The following ABCA2 variants were observed in gnomAD, a reference collection of about 807,000 sequenced individuals.
ABCA2 encodes the protein ATP-binding cassette sub-family A member 2.
Under a neutral mutation model 262.8 loss-of-function variants are expected in ABCA2, and 84 were observed. The observed-to-expected ratio is 0.32, with a 90% CI of 0.27 to 0.38. ABCA2 has a LOEUF of 0.38. Among genes scored for constraint, ABCA2 ranks in the 10% least tolerant of loss-of-function variants. ABCA2 has a pLI of 1.00. For missense variants in ABCA2, 2,662 were observed against 3,405.9 expected (o/e 0.78, Z 5.44); for synonymous variants, 1,696 against 1,502.9 (o/e 1.13, Z -2.97).
Position 137,016,368 on chromosome 9 carries a change from G to T in ABCA2, c.3027C>A (p.Asn1009Lys), listed in dbSNP as rs767955092. The T allele has an allele frequency of 1.2e-6, 2 of 1,612,950 alleles. No homozygotes were observed. Among genetic ancestry groups the T allele is most frequent in the Non-Finnish European group, 1.7e-6 (2 of 1,179,992 alleles). The change falls in exon 21 of 49, where the codon AAC becomes AAA. Residue 1009 changes from asparagine (N) to lysine (K), a missense_variant. This residue lies in a region of ABCA2 where 133 missense variants were observed against 150.8 expected (regional missense o/e 0.88). Transcript: ENST00000341511. Reference sequence around the variant, plus strand: ...TCTCGTAGAGGTTCAGGCTCAGCTTGTTCAGGGCCAGCTTCTTGTCGTCCT... The same window carrying T: ...TCTCGTAGAGGTTCAGGCTCAGCTTTTTCAGGGCCAGCTTCTTGTCGTCCT... Reference protein sequence around the residue: ...VYKDDKKLALNKLSLNLYENQ... With the variant: ...VYKDDKKLALKKLSLNLYENQ...
intron 26 of ABCA2, 110 bp from the exon 27 acceptor site, chr9:137,014,514 G>T: frequency 6.9e-7 from 1 of 1,442,062 alleles, no homozygotes; most frequent in Non-Finnish European, 9.3e-7. Flanking sequence ...ACACCTGTCC[G>T]GGACCTCTGG....
rs1830922609 is a variant in ABCA2, at chr9:137,008,758, G to A, written c.7041C>T (p.Tyr2347=). ...QVSGVLGIED[Y]SVSQTTLDNV... The stretch of plus-strand genomic sequence containing the variant: ...TGTCCAGTGTGGTCTGGCTGACCGA[G>A]TAGTCCTCGATGCCCAGCACGCCAG... Residue 2347 remains tyrosine, a synonymous_variant, in exon 47 of 49, where the codon TAC becomes TAT. Coordinates refer to ENST00000341511, the MANE Select transcript of ABCA2 (RefSeq NM_001606.5). 2 of 1,589,646 alleles carry A rather than the reference G, an allele frequency of 1.3e-6. No individual in the cohort carries two copies. The highest frequency in any genetic ancestry group is 1.7e-6 in the Non-Finnish European group (2 of 1,169,558).
In ABCA2 at chr9:137,012,954, G is replaced by A. The variant is rs1216460282; in HGVS notation, c.4868-29C>T. 12 of 1,484,472 alleles carry A rather than the reference G, an allele frequency of 8.1e-6. No individual in the cohort carries two copies. The East Asian group carries it at 2.5e-4, about 31-fold the overall frequency. 92.0% of individuals were successfully genotyped at this position (1,484,472 alleles called of 1,614,324 possible). A position where few individuals can be genotyped will look rare whatever the true frequency, so the allele number is the denominator to read the frequency against. On this transcript the variant is annotated intron_variant, in intron 30 of 48. Transcript: ENST00000341511. ...TGGGCACAGCATGGTGCGGTGAGAA[G>A]GACCCCTCACTGCCCCTGCCCCCCC...
chr9:137,017,160 C>T (rs556672479), intron 18 of ABCA2, 36 bp from the exon 19 acceptor site: 25 of 1,611,634 alleles, frequency 1.6e-5, no homozygotes, highest in African/African-American at 2.7e-5. Flanking sequence ...TGGGGTGGCC[C>T]GGCACCCCAG....
In ABCA2 at chr9:137,019,501, C is replaced by T; in HGVS notation, c.1426-195G>A. On this transcript the variant is annotated intron_variant, in intron 10 of 48. Transcript: ENST00000341511. The surrounding 1 kb of genome is among the most constrained non-coding windows in gnomAD (Gnocchi z 4.4). ...GCAGTGGTGCAGTCCCAGCTCACTG[C>T]AGCCTCCACCTCCCAGGCTCAAGGG... 1 of 587,658 alleles carries T rather than the reference C, an allele frequency of 1.7e-6. No homozygotes were observed. Among genetic ancestry groups the T allele is most frequent in the East Asian group, 3.2e-5 (1 of 30,980 alleles). The allele number at this position is 587,658 out of a possible 1,614,324, so 36.4% of individuals were successfully genotyped here. A position where few individuals can be genotyped will look rare whatever the true frequency, so the allele number is the denominator to read the frequency against.
At position 137,012,494 on chromosome 9, in the gene ABCA2, C is replaced by T; in HGVS notation, c.5178G>A (p.Arg1726=). The part of the protein sequence containing the change: ...PPMVRKIAVR[R]AAQVFYNNKG... ...CCGCAGCCTCGCTCACCTGGGCAGCCCTGCGCACCGCGATCTTCCGCACCA... is the reference window on the plus strand; with the variant it reads ...CCGCAGCCTCGCTCACCTGGGCAGCTCTGCGCACCGCGATCTTCCGCACCA... Residue 1726 remains arginine, a synonymous_variant, in exon 32 of 49, where the codon AGG becomes AGA. Transcript: ENST00000341511. The T allele has an allele frequency of 6.2e-7, 1 of 1,611,596 alleles. No individual in the cohort carries two copies. The highest frequency in any genetic ancestry group is 8.5e-7 in the Non-Finnish European group (1 of 1,179,838).
In ABCA2 at chr9:137,007,590, G is replaced by C. The variant is rs1588503039; in HGVS notation, c.*339C>G. On this transcript the variant is annotated 3_prime_UTR_variant, in exon 49 of 49. Transcript: ENST00000341511. ...AAGCTGGTTCCGAGGCCGGGCAGGAGAAAGGCCAGCAGTGCCTGGTCCAGC... is the reference window on the plus strand; with the variant it reads ...AAGCTGGTTCCGAGGCCGGGCAGGACAAAGGCCAGCAGTGCCTGGTCCAGC... 2 of 424,704 alleles carry C rather than the reference G, an allele frequency of 4.7e-6. No individual in the cohort carries two copies. The highest frequency in any genetic ancestry group is 9.8e-5 in the East Asian group (2 of 20,412). The allele number at this position is 424,704 out of a possible 1,614,324, so 26.3% of individuals were successfully genotyped here.
chr9:137,028,519 C>T (rs1831743580), upstream of ABCA2, among the ~76,000 whole-genome samples: 1 of 151,744 alleles, frequency 6.6e-6, no homozygotes, highest in South Asian at 2.1e-4. The surrounding 1 kb of genome is among the most constrained non-coding windows in gnomAD (Gnocchi z 6.9). Context: ...CTTCGTAGGC[C>T]GGGGGACCCT....
At position 137,016,937 on chromosome 9, in the gene ABCA2, A is replaced by G. The variant is rs1219760824; in HGVS notation, c.2741T>C (p.Ile914Thr). The G allele has an allele frequency of 1.2e-6, 2 of 1,612,612 alleles. No homozygotes were observed. Among genetic ancestry groups the G allele is most frequent in the Non-Finnish European group, 1.7e-6 (2 of 1,179,944 alleles). Residue 914 changes from isoleucine to threonine, a missense_variant, in exon 19 of 49, where the codon ATT (isoleucine) becomes ACT (threonine). Physicochemically the swap from Ile to Thr is moderately conservative, Grantham distance 89. Around this residue, in one of 12 missense-constraint regions of ABCA2, gnomAD observed 133 missense variants for 150.8 expected, o/e 0.88. Coordinates refer to ENST00000341511, the MANE Select transcript of ABCA2 (RefSeq NM_001606.5). ...GCCAGTACCTGGGTGCACAGCCTCA[A>G]TGTACCACGTGAGGATGCCATAGAC... ...AVVYGILTWY[I>T]EAVHPGMYGL...
At chr9:137,024,274 T>A in intron 1 of ABCA2, 38 bp from the exon 2 acceptor site, 1 of 1,535,504 alleles carries the variant, frequency 6.5e-7, no homozygotes, top group South Asian at 1.2e-5. Context: ...AGGACAGACC[T>A]GTGCTCGCCT....
At chr9:137,023,687 A>AC (rs1588529340) in intron 3 of ABCA2, 151 bp downstream of exon 3, 4 of 688,978 alleles carry the variant, frequency 5.8e-6, no homozygotes, top group African/African-American at 5.3e-5. Context: ...ACTGCCTGCC[A>AC]CCCCCCATCT....
At chr9:137,012,973 C>T (rs1255105795) in intron 30 of ABCA2, 29 bp downstream of exon 30, 3 of 1,479,200 alleles carry the variant, frequency 2.0e-6, no homozygotes, top group Admixed American at 2.2e-5. Context: ...ACTGCCCCTG[C>T]CCCCCCAGCA....
chr9:137,012,780 C>A lies in ABCA2; in HGVS notation c.5013G>T (p.Leu1671=), dbSNP rs1237962111. ...PQMRVVTGDI[L]TDITGHNVSE... is the part of the protein sequence containing the mutation. ...AGACATTGTGGCCGGTGATGTCGGT[C>A]AGGATGTCGCCTGTGACCACCCGCA... is the stretch of plus-strand genomic sequence containing the variant. Residue 1671 remains leucine (L), a synonymous_variant, in exon 31 of 49, where the codon CTG becomes CTT. Transcript: ENST00000341511. 1 of 1,612,672 alleles carries A rather than the reference C, an allele frequency of 6.2e-7. No individual in the cohort carries two copies. The highest frequency in any genetic ancestry group is 1.7e-5 in the Admixed American group (1 of 60,026).
Position 137,007,670 on chromosome 9 carries a change from C to A in ABCA2, c.*259G>T, listed in dbSNP as rs1270548862. ...AGGCAGGGGCGAGGGGCCGGGCAGACCCCGAGGCTTTAAGGCAAAGCAGGG... is the reference window on the plus strand; with the variant it reads ...AGGCAGGGGCGAGGGGCCGGGCAGAACCCGAGGCTTTAAGGCAAAGCAGGG... On this transcript the variant is annotated 3_prime_UTR_variant, in exon 49 of 49. Coordinates refer to ENST00000341511, the MANE Select transcript of ABCA2 (RefSeq NM_001606.5). 4.9e-5 allele frequency: 28 copies of A among 571,418 alleles called. No homozygotes were observed. In the East Asian group the frequency reaches 8.0e-4, roughly 16 times the overall value. 35.4% of individuals were successfully genotyped at this position (571,418 alleles called of 1,614,324 possible).
rs754394147 is a variant in ABCA2, at chr9:137,008,832, A to G, written c.6967T>C (p.Ser2323Pro). ...HHTKVQYQLK[S>P]EHISLAQVFS... The stretch of plus-strand genomic sequence containing the variant: ...ACCTGGGCCAGCGAGATGTGCTCCG[A>G]CTTGAGCTGGTACTGCACCTTTGTG... Residue 2323 changes from serine to proline, a missense_variant, in exon 47 of 49, where the codon TCG becomes CCG. Around this residue, in one of 12 missense-constraint regions of ABCA2, gnomAD observed 212 missense variants for 214.4 expected, o/e 0.99. Transcript: ENST00000341511. The G allele has an allele frequency of 1.9e-6, 3 of 1,605,368 alleles. No homozygotes were observed. The highest frequency in any genetic ancestry group is 2.5e-6 in the Non-Finnish European group (3 of 1,179,600).
Position 137,021,724 on chromosome 9 carries a change from C to T in ABCA2, c.679-114G>A. On this transcript the variant is annotated intron_variant, in intron 7 of 48. Transcript: ENST00000341511. The surrounding 1 kb of genome is among the most constrained non-coding windows in gnomAD (Gnocchi z 6.0). The stretch of plus-strand genomic sequence containing the variant: ...GGCTGGCTCTGGGGCTGCCTGGGTC[C>T]CACGACATGCCTCTACCCCTCATGC... 2 of 1,267,384 alleles carry T rather than the reference C, an allele frequency of 1.6e-6. No individual in the cohort carries two copies. The highest frequency in any genetic ancestry group is 1.1e-6 in the Non-Finnish European group (1 of 911,992). 78.5% of individuals were successfully genotyped at this position (1,267,384 alleles called of 1,614,324 possible). A position where few individuals can be genotyped will look rare whatever the true frequency, so the allele number is the denominator to read the frequency against.
chr9:137,021,177 G>T lies in ABCA2; in HGVS notation c.898-116C>A. On this transcript the variant is annotated intron_variant, in intron 8 of 48. Coordinates refer to ENST00000341511, the MANE Select transcript of ABCA2 (RefSeq NM_001606.5). This position sits in a 1 kb window ranked among gnomAD's most constrained non-coding sequence, Gnocchi z 6.0. ...GAGACACAAGCTAGGGGTGCTGGGA[G>T]GGAGTCTGCAGCCTGGGTAACGGGA... The T allele has an allele frequency of 7.1e-7, 1 of 1,399,006 alleles. No individual in the cohort carries two copies. Among genetic ancestry groups the T allele is most frequent in the South Asian group, 1.5e-5 (1 of 67,186 alleles). 86.7% of individuals were successfully genotyped at this position (1,399,006 alleles called of 1,614,324 possible).
At chr9:137,023,143 G>A (rs35902749) in intron 3 of ABCA2, 91 bp from the exon 4 acceptor site, 63,935 of 1,035,230 alleles carry the variant, frequency 0.062, 2,350 homozygotes, top group Non-Finnish European at 0.069. Flanking sequence ...GAGGCCGAGA[G>A]GAGAAATTTA....
chr9:137,021,511 C>A lies in ABCA2; in HGVS notation c.778G>T (p.Ala260Ser), dbSNP rs756055077. The A allele has an allele frequency of 6.2e-7, 1 of 1,606,600 alleles. No homozygotes were observed. ...ILTVPESQKG[A>S]LQGYRDAVCS... is the part of the protein sequence containing the mutation. ...ACAGCATCCCGGTAGCCCTGCAGGGCTCCCTTCTGACTCTCAGGCACAGTG... is the reference window on the plus strand; with the variant it reads ...ACAGCATCCCGGTAGCCCTGCAGGGATCCCTTCTGACTCTCAGGCACAGTG... The change falls in exon 8 of 49, where the codon GCC becomes TCC. Residue 260 changes from alanine to serine, a missense_variant. Ala to Ser is a moderately conservative substitution (Grantham distance 99). Around this residue, in one of 12 missense-constraint regions of ABCA2, gnomAD observed 403 missense variants for 375.9 expected, o/e 1.07. Transcript: ENST00000341511. This position sits in a 1 kb window ranked among gnomAD's most constrained non-coding sequence, Gnocchi z 6.0.
Sources: gnomAD v4.1 joint callset for allele counts (sites outside exome capture counted in the v4.1 genomes callset) on GRCh38, gnomAD v4.1.1 for gene constraint, gnomAD v4.1.1 regional missense constraint, Gnocchi (gnomAD v3.1) non-coding constraint, MANE v1.5 for transcripts, NCBI Gene and HGNC (gene_info 2026-07-23, HGNC 2026-07-21) for gene names.